The following NEGR1 variants were observed in gnomAD, a reference collection of about 807,000 sequenced individuals.
NEGR1 encodes the protein neuronal growth regulator 1.
NEGR1 carries 10 observed loss-of-function variants against 40.9 expected under a neutral mutation model. The ratio of observed to expected loss-of-function variants is 0.24; its 90% CI spans 0.15 to 0.42. The LOEUF (loss-of-function observed/expected upper bound fraction) is 0.42. NEGR1 is among the 10% of genes least tolerant of loss of function. NEGR1 has a pLI of 1.00. For missense variants in NEGR1, 352 were observed against 438.9 expected, an observed-to-expected ratio of 0.80 and a Z score of 1.77; for synonymous variants, 185 against 166.8, an observed-to-expected ratio of 1.11 and a Z score of -0.84.
Position 72,184,431 on chromosome 1 carries a change from A to G in NEGR1, c.176+97888T>C, listed in dbSNP as rs976023081. Among the ~76,000 whole-genome samples the G allele has an allele frequency of 2.0e-5, 3 of 152,212 alleles. No individual in the cohort carries two copies. The East Asian group carries it at 5.8e-4, about 29-fold the overall frequency. On this transcript the variant is annotated intron_variant, in intron 1 of 6. Transcript: ENST00000357731. Reference sequence around the variant, plus strand: ...GGAAAAATGTGCAAGAGCTTTTCACAGGAAAAAACAAAGAATAAGCTCCAT... The same window carrying G: ...GGAAAAATGTGCAAGAGCTTTTCACGGGAAAAAACAAAGAATAAGCTCCAT...
rs569988576 is a variant in NEGR1, at chr1:71,955,463, C to T, written c.177-20152G>A. On this transcript the variant is annotated intron_variant, in intron 1 of 6. Coordinates refer to ENST00000357731, the MANE Select transcript of NEGR1 (RefSeq NM_173808.3). ...CTGATATGACAGACTGCAAACTCCC[C>T]GAAGGCAACCTCGACCACCAAAAGT... Among the ~76,000 whole-genome samples, 13 of 152,118 alleles carry T rather than the reference C, an allele frequency of 8.5e-5. No individual in the cohort carries two copies. The South Asian group carries it at 1.0e-3, about 12-fold the overall frequency.
intron 1 of NEGR1, among the ~76,000 whole-genome samples, chr1:71,963,767 T>C (rs78869958): frequency 0.014 from 2,182 of 152,308 alleles, 54 homozygotes; most frequent in African/African-American, 0.05. Flanking sequence ...ATAATCCCAT[T>C]GATTAAGCAT....
intron 6 of NEGR1, 42 bp from the exon 7 acceptor site, chr1:71,407,612 GTCT>G: frequency 6.2e-7 from 1 of 1,601,738 alleles, no homozygotes; most frequent in Non-Finnish European, 8.5e-7. Context: ...TCTAATTTGT[GTCT>G]TCCAGGATCT....
At chr1:71,577,438 A>G (rs1354571215) in intron 6 of NEGR1, among the ~76,000 whole-genome samples, 1 of 152,186 alleles carries the variant, frequency 6.6e-6, no homozygotes, top group Non-Finnish European at 1.5e-5. Flanking sequence ...AGGAGAAGCC[A>G]AGCCACTCTG....
intron 6 of NEGR1, among the ~76,000 whole-genome samples, chr1:71,451,952 ACCCACG>A (rs1331247708): frequency 6.6e-6 from 1 of 152,172 alleles, no homozygotes; most frequent in Non-Finnish European, 1.5e-5. Flanking sequence ...ATACTTTTGC[ACCCACG>A]CCTTTTCCTC....
At chr1:71,863,744 T>C (rs1660022857) in intron 2 of NEGR1, among the ~76,000 whole-genome samples, 1 of 152,172 alleles carries the variant, frequency 6.6e-6, no homozygotes, top group African/African-American at 2.4e-5. Context: ...CATTTGGGAA[T>C]AGACAGTACT....
chr1:71,771,771 A>C (rs2101712614), intron 3 of NEGR1, among the ~76,000 whole-genome samples: 1 of 151,958 alleles, frequency 6.6e-6, no homozygotes, highest in Non-Finnish European at 1.5e-5. Context: ...ACAAATAATA[A>C]ATAGGAGAAA....
At chr1:71,902,397 A>G (rs1462814063) in intron 2 of NEGR1, among the ~76,000 whole-genome samples, 1 of 152,246 alleles carries the variant, frequency 6.6e-6, no homozygotes, top group Non-Finnish European at 1.5e-5. Flanking sequence ...AATTTTGCAT[A>G]AAGATTACTT....
chr1:72,248,648 C>G (rs1194277), intron 1 of NEGR1, among the ~76,000 whole-genome samples: 75,092 of 148,676 alleles, frequency 0.51, 20,233 homozygotes, highest in African/African-American at 0.68. Flanking sequence ...TGCCAGGCTG[C>G]AGTATAGTGG....
intron 1 of NEGR1, among the ~76,000 whole-genome samples, chr1:71,992,033 A>C (rs1183248631): frequency 1.3e-5 from 2 of 151,922 alleles, no homozygotes; most frequent in Admixed American, 6.6e-5. Context: ...GAGCTCAGGC[A>C]ATCTGCCCTC....
chr1:71,626,578 A>C (rs1650789063), intron 4 of NEGR1, among the ~76,000 whole-genome samples: 1 of 151,940 alleles, frequency 6.6e-6, no homozygotes, highest in South Asian at 2.1e-4. Flanking sequence ...CTGTATAGGC[A>C]TGGGCAAGGT....
At chr1:72,267,730 A>C (rs2100553761) in intron 1 of NEGR1, among the ~76,000 whole-genome samples, 1 of 151,430 alleles carries the variant, frequency 6.6e-6, no homozygotes, top group East Asian at 1.9e-4. Flanking sequence ...TTGTTGGTAA[A>C]ATAAAGCATC....
chr1:71,966,039 A>G (rs560824143), intron 1 of NEGR1, among the ~76,000 whole-genome samples: 2 of 152,210 alleles, frequency 1.3e-5, no homozygotes, highest in African/African-American at 4.8e-5. Flanking sequence ...ACATTGATGT[A>G]GAATGTTAAT....
rs558739800 is a variant in NEGR1, at chr1:71,524,174, C to T, written c.940+68643G>A. On this transcript the variant is annotated intron_variant, in intron 6 of 6. Transcript: ENST00000357731. ...TTGAAAGACTAATCATTTATTAGACCGAAAGTCATTAACTCTAATTGTTTC... is the reference window on the plus strand; with the variant it reads ...TTGAAAGACTAATCATTTATTAGACTGAAAGTCATTAACTCTAATTGTTTC... Among the ~76,000 whole-genome samples, 81 of 151,662 alleles carry T rather than the reference C, an allele frequency of 5.3e-4. 1 individual carries two copies. The South Asian group carries it at 9.1e-3, about 17-fold the overall frequency.
chr1:71,781,534 G>A (rs1557650285), intron 2 of NEGR1, among the ~76,000 whole-genome samples: 1 of 152,152 alleles, frequency 6.6e-6, no homozygotes, highest in Non-Finnish European at 1.5e-5. Flanking sequence ...AATCCATTTG[G>A]AGGCTGTCTT....
chr1:71,533,996 C>G (rs1215351684), intron 6 of NEGR1, among the ~76,000 whole-genome samples: 1 of 151,554 alleles, frequency 6.6e-6, no homozygotes, highest in Non-Finnish European at 1.5e-5. Flanking sequence ...AGTAAGAAAA[C>G]CAGATTAGAT....
intron 1 of NEGR1, among the ~76,000 whole-genome samples, chr1:72,205,107 A>G (rs777944438): frequency 1.3e-5 from 2 of 152,106 alleles, no homozygotes; most frequent in Non-Finnish European, 2.9e-5. Context: ...AATTGGAAAC[A>G]AAACAAAAAA....
intron 1 of NEGR1, among the ~76,000 whole-genome samples, chr1:72,261,162 T>A (rs138412301): frequency 4.3e-4 from 65 of 152,212 alleles, no homozygotes; most frequent in Admixed American, 1.0e-3. Flanking sequence ...CAGAATAACC[T>A]GACATTAAGT....
chr1:71,922,974 G>T (rs1474298419), intron 2 of NEGR1, among the ~76,000 whole-genome samples: 3 of 152,024 alleles, frequency 2.0e-5, no homozygotes. Context: ...AAAGAATACT[G>T]ATCTTTACTA....
Sources: gnomAD v4.1 joint callset for allele counts (sites outside exome capture counted in the v4.1 genomes callset) on GRCh38, gnomAD v4.1.1 for gene constraint, MANE v1.5 for transcripts, NCBI Gene and HGNC (gene_info 2026-07-23, HGNC 2026-07-21) for gene names.